The following IQSEC3 variants were observed in gnomAD, a reference collection of about 807,000 sequenced individuals.
IQSEC3 encodes the protein IQ motif and SEC7 domain-containing protein 3.
In IQSEC3, 50 loss-of-function variants were observed where a neutral mutation model predicts 105.4. That is an observed-to-expected ratio of 0.47 (90% CI 0.38 to 0.60). The LOEUF (loss-of-function observed/expected upper bound fraction) is 0.60, where lower values mean the gene tolerates loss of function less well. Ranked by LOEUF, IQSEC3 falls within the 20% of genes least tolerant of loss-of-function variation. The pLI is 0.00. For synonymous variants in IQSEC3, 708 were observed against 746.0 expected, an observed-to-expected ratio of 0.95 and a Z score of 0.83; for missense variants, 1,415 against 1,630.0, an observed-to-expected ratio of 0.87 and a Z score of 2.27.
intron 1 of IQSEC3, among the ~76,000 whole-genome samples, chr12:82,436 G>T (rs937536370): frequency 6.6e-6 from 1 of 152,188 alleles, no homozygotes; most frequent in African/African-American, 2.4e-5. Context: ...AAGAAATGGG[G>T]TGACCGCTGA....
At chr12:116,162 C>A (rs1357846269) in intron 2 of IQSEC3, among the ~76,000 whole-genome samples, 2 of 152,186 alleles carry the variant, frequency 1.3e-5, no homozygotes, top group Admixed American at 1.3e-4. Context: ...TCTTGGGACA[C>A]CTCCTTTCAC....
Position 174,687 on chromosome 12 carries a change from A to G in IQSEC3, c.3203A>G (p.Gln1068Arg), listed in dbSNP as rs770244504. ...GCGCCGGTGCCGCCGCCAGACCTGC[A>G]GCCTAGCCCCCCGAGACAGCAGACC... is the stretch of plus-strand genomic sequence containing the variant. The part of the protein sequence containing the change: ...RGAPVPPPDL[Q>R]PSPPRQQTPP... Residue 1068 changes from glutamine (Q) to arginine (R), a missense_variant, in exon 14 of 14, where the codon CAG (glutamine) becomes CGG (arginine). Gln to Arg is a conservative substitution (Grantham distance 43). Coordinates refer to ENST00000538872, the MANE Select transcript of IQSEC3 (RefSeq NM_001170738.2). 3.8e-6 allele frequency: 6 copies of G among 1,592,034 alleles called. No homozygotes were observed. In the Admixed American group the frequency reaches 1.0e-4, roughly 27 times the overall value.
intron 6 of IQSEC3, 31 bp downstream of exon 6, chr12:157,178 C>T (rs879983095): frequency 6.6e-7 from 1 of 1,510,862 alleles, no homozygotes; most frequent in Non-Finnish European, 8.9e-7. Flanking sequence ...CACTCCCCAA[C>T]AGACCCCAGC....
At chr12:111,031 G>GC (rs1336133147) in intron 2 of IQSEC3, among the ~76,000 whole-genome samples, 4 of 152,112 alleles carry the variant, frequency 2.6e-5, no homozygotes, top group African/African-American at 7.2e-5. Context: ...CCTTCTTGCT[G>GC]CCCCCCGATC....
chr12:123,895 C>G (rs988982728), intron 2 of IQSEC3, among the ~76,000 whole-genome samples: 7 of 152,140 alleles, frequency 4.6e-5, no homozygotes, highest in African/African-American at 1.7e-4. Context: ...ATTAGATGAC[C>G]TTGAGGTCCC....
intron 1 of IQSEC3, among the ~76,000 whole-genome samples, chr12:70,441 A>G (rs1246394545): frequency 6.6e-6 from 1 of 152,266 alleles, no homozygotes; most frequent in African/African-American, 2.4e-5. Flanking sequence ...TGGAAGAAAA[A>G]CATTTGAAGG....
chr12:79,556 A>G (rs1863674690), intron 1 of IQSEC3, among the ~76,000 whole-genome samples: 2 of 152,088 alleles, frequency 1.3e-5, no homozygotes, highest in Admixed American at 6.5e-5. Flanking sequence ...TCAGCCTCCC[A>G]GGTAGCTAGG....
chr12:99,140 C>T lies in IQSEC3; in HGVS notation c.555-6C>T. 1 of 1,598,234 alleles carries T rather than the reference C, an allele frequency of 6.3e-7. No individual in the cohort carries two copies. Among genetic ancestry groups the T allele is most frequent in the Non-Finnish European group, 8.5e-7 (1 of 1,179,394 alleles). On this transcript the variant is annotated splice_region_variant and splice_polypyrimidine_tract_variant and intron_variant, in intron 1 of 13. Coordinates refer to ENST00000538872, the MANE Select transcript of IQSEC3 (RefSeq NM_001170738.2). ...GCGCTCTGATCTCCCTCTGCTCTGCCCGCAGGAATGAGACCGTGCTGCACC... is the reference window on the plus strand; with the variant it reads ...GCGCTCTGATCTCCCTCTGCTCTGCTCGCAGGAATGAGACCGTGCTGCACC...
At chr12:125,536 G>T (rs1555082966) in intron 2 of IQSEC3, 97 bp from the exon 3 acceptor site, 7 of 1,257,686 alleles carry the variant, frequency 5.6e-6, no homozygotes, top group Non-Finnish European at 5.2e-6. Context: ...CACAGGAAAG[G>T]CAGGCCAGAG....
rs1866530574 is a variant in IQSEC3, at chr12:152,090, G to A, written c.2154-4935G>A. ...CTGTGTTGCTGGCCACTTACACCAG[G>A]TCCCGAGCACAGCCTTGCACACGGG... On this transcript the variant is annotated intron_variant, in intron 5 of 13. Coordinates refer to ENST00000538872, the MANE Select transcript of IQSEC3 (RefSeq NM_001170738.2). The surrounding 1 kb of genome is among the most constrained non-coding windows in gnomAD (Gnocchi z 4.8). 6.6e-6 allele frequency among the ~76,000 whole-genome samples: 1 copy of A among 151,776 alleles called. No homozygotes were observed. The highest frequency in any genetic ancestry group is 1.5e-5 in the Non-Finnish European group (1 of 67,982).
intron 2 of IQSEC3, among the ~76,000 whole-genome samples, chr12:101,281 A>C (rs1476803680): frequency 2.0e-5 from 3 of 152,202 alleles, no homozygotes; most frequent in African/African-American, 7.2e-5. Flanking sequence ...CGGCCCCAGC[A>C]GCACGCCAGA....
chr12:73,795 C>A (rs1458216267), intron 1 of IQSEC3, among the ~76,000 whole-genome samples: 3 of 152,280 alleles, frequency 2.0e-5, no homozygotes, highest in Non-Finnish European at 4.4e-5. Context: ...CACTGCCAGG[C>A]CACCTTTCTA....
chr12:98,370 C>T (rs782206282), intron 1 of IQSEC3, among the ~76,000 whole-genome samples: 3 of 152,170 alleles, frequency 2.0e-5, no homozygotes, highest in Non-Finnish European at 4.4e-5. Context: ...GATGCCAGAC[C>T]ACATAAATCA....
At chr12:111,460 T>C (rs1864884090) in intron 2 of IQSEC3, among the ~76,000 whole-genome samples, 3 of 152,174 alleles carry the variant, frequency 2.0e-5, no homozygotes, top group Admixed American at 2.0e-4. Flanking sequence ...CTTTCCTCTG[T>C]TCTCTAGGCC....
At position 175,119 on chromosome 12, in the gene IQSEC3, C is replaced by T. The variant is rs955921973; in HGVS notation, c.*86C>T. ...CTCCACTGCTCCCCATACCCTGGCA[C>T]GATGCGTTCCTGGTCACTGATCACC... On this transcript the variant is annotated 3_prime_UTR_variant, in exon 14 of 14. Transcript: ENST00000538872. 9.7e-6 allele frequency: 10 copies of T among 1,034,540 alleles called. No individual in the cohort carries two copies. The highest frequency in any genetic ancestry group is 6.5e-5 in the African/African-American group (4 of 61,906). 64.1% of individuals were successfully genotyped at this position (1,034,540 alleles called of 1,614,324 possible).
intron 1 of IQSEC3, among the ~76,000 whole-genome samples, chr12:95,563 T>C (rs782243899): frequency 6.6e-5 from 10 of 152,198 alleles, no homozygotes; most frequent in Non-Finnish European, 1.2e-4. Flanking sequence ...CTTTTCCTTC[T>C]CTTTTTCCTA....
intron 1 of IQSEC3, among the ~76,000 whole-genome samples, chr12:73,646 G>T (rs1238316107): frequency 1.3e-5 from 2 of 152,196 alleles, no homozygotes; most frequent in East Asian, 3.9e-4. Flanking sequence ...CTCCAGTCTG[G>T]GCCACAGAGC....
chr12:126,386 G>C (rs1235415965), intron 3 of IQSEC3, among the ~76,000 whole-genome samples: 1 of 152,240 alleles, frequency 6.6e-6, no homozygotes, highest in Non-Finnish European at 1.5e-5. Context: ...CAGACTGGGG[G>C]AGTCCAAAGC....
intron 8 of IQSEC3, among the ~76,000 whole-genome samples, chr12:163,125 G>A (rs531966205): frequency 2.6e-4 from 40 of 151,058 alleles, no homozygotes; most frequent in African/African-American, 9.0e-4. Context: ...CCAGGCCCCA[G>A]GACAGAACCG....
Sources: allele counts gnomAD v4.1 joint callset (sites outside exome capture counted in the v4.1 genomes callset), GRCh38; gene constraint gnomAD v4.1.1; non-coding constraint Gnocchi (gnomAD v3.1); transcripts MANE v1.5; gene names NCBI Gene and HGNC (gene_info 2026-07-23, HGNC 2026-07-21).